The following ZNF282 variants were observed in gnomAD, a reference collection of about 807,000 sequenced individuals.
ZNF282 encodes the protein HTLV-I U5 repressive element-binding protein 1.
Under a neutral mutation model 61.9 loss-of-function variants are expected in ZNF282, and 30 were observed. That is an observed-to-expected ratio of 0.48 (90% confidence interval 0.36 to 0.66). The LOEUF is 0.66. ZNF282 is among the 30% of genes least tolerant of loss of function. The pLI is 0.00. For synonymous variants in ZNF282, 396 were observed against 405.0 expected, an observed-to-expected ratio of 0.98 and a Z score of 0.27; for missense variants, 788 against 941.4, an observed-to-expected ratio of 0.84 and a Z score of 2.13.
At chr7:149,197,988 A>G (rs1469247287) in intron 1 of ZNF282, among the ~76,000 whole-genome samples, 1 of 152,262 alleles carries the variant, frequency 6.6e-6, no homozygotes, top group Non-Finnish European at 1.5e-5. Flanking sequence ...AGGCAAATAC[A>G]AAGTTCGTCA....
At chr7:149,215,195 AT>A (rs36096302) in intron 7 of ZNF282, among the ~76,000 whole-genome samples, 1,243 of 90,684 alleles carry the variant, frequency 0.014, 4 homozygotes, top group African/African-American at 0.046. Flanking sequence ...ATTTCCTGAC[AT>A]TTTTTTTTTT....
chr7:149,200,303 G>T (rs1795887455), intron 2 of ZNF282, among the ~76,000 whole-genome samples: 1 of 152,150 alleles, frequency 6.6e-6, no homozygotes, highest in African/African-American at 2.4e-5. Flanking sequence ...GATGTCCGTG[G>T]TGTTACAGCC....
chr7:149,218,119 AAG>A (rs61408566), intron 7 of ZNF282, among the ~76,000 whole-genome samples: 5 of 149,856 alleles, frequency 3.3e-5, no homozygotes, highest in Non-Finnish European at 5.9e-5. Flanking sequence ...AAAAAAAAAA[AAG>A]AGAGAGAGAG....
At chr7:149,200,176 C>A (rs1421869261) in intron 2 of ZNF282, among the ~76,000 whole-genome samples, 6 of 152,228 alleles carry the variant, frequency 3.9e-5, no homozygotes, top group Admixed American at 6.5e-5. Flanking sequence ...CTGGATTCCA[C>A]TGATTACGTC....
rs1796353687 is a variant in ZNF282, at chr7:149,225,452, C to T, written c.*805C>T. 6.6e-6 allele frequency: 1 copy of T among 152,334 alleles called. No homozygotes were observed. The highest frequency in any genetic ancestry group is 1.5e-5 in the Non-Finnish European group (1 of 68,126). The allele number at this position is 152,334 out of a possible 1,614,324, so 9.4% of individuals were successfully genotyped here. A position where few individuals can be genotyped will look rare whatever the true frequency, so the allele number is the denominator to read the frequency against. ...TACGGAACGCCCCAGGTTGTACATT[C>T]AGAGGGCTCTTTCTCCATGGGAGCT... On this transcript the variant is annotated 3_prime_UTR_variant, in exon 8 of 8. Coordinates refer to ENST00000610704, the MANE Select transcript of ZNF282 (RefSeq NM_003575.4).
At position 149,217,100 on chromosome 7, in the gene ZNF282, G is replaced by A. The variant is rs978947633; in HGVS notation, c.1180+3286G>A. On this transcript the variant is annotated intron_variant, in intron 7 of 7. Transcript: ENST00000610704. ...GGTGCCAACACCCACAGAATATGAC[G>A]TGAAAGCACCCTCTTGAAATTCCCA... is the stretch of plus-strand genomic sequence containing the variant. Among the ~76,000 whole-genome samples, 4 of 152,212 alleles carry A rather than the reference G, an allele frequency of 2.6e-5. 1 individual carries two copies. Among genetic ancestry groups the A allele is most frequent in the African/African-American group, 9.6e-5 (4 of 41,456 alleles).
intron 2 of ZNF282, among the ~76,000 whole-genome samples, chr7:149,203,261 T>G (rs923431986): frequency 1.4e-4 from 21 of 152,246 alleles, no homozygotes; most frequent in African/African-American, 4.8e-4. Flanking sequence ...AGAGGAGACT[T>G]GACTTGACAA....
rs1034571526 is a variant in ZNF282 at position 149,198,291 on chromosome 7, A to G, written c.166-42A>G. 6 of 1,549,640 alleles carry G rather than the reference A, an allele frequency of 3.9e-6. No homozygotes were observed. Among genetic ancestry groups the G allele is most frequent in the Non-Finnish European group, 5.2e-6 (6 of 1,146,956 alleles). On this transcript the variant is annotated intron_variant, in intron 1 of 7. Coordinates refer to ENST00000610704, the MANE Select transcript of ZNF282 (RefSeq NM_003575.4). The surrounding 1 kb of genome is among the most constrained non-coding windows in gnomAD (Gnocchi z 4.3). Reference sequence around the variant, plus strand: ...CCCAGCTGACTTCCCCGGCTCACACAAGGTCTCATCCTGGGTTGTCGCTTT... The same window carrying G: ...CCCAGCTGACTTCCCCGGCTCACACGAGGTCTCATCCTGGGTTGTCGCTTT...
intron 7 of ZNF282, among the ~76,000 whole-genome samples, chr7:149,219,284 G>A (rs1264676532): frequency 2.0e-5 from 3 of 152,190 alleles, no homozygotes; most frequent in African/African-American, 7.2e-5. Context: ...CTCCTTCCCA[G>A]GAACCAGGGA....
rs1301262006 is a variant in ZNF282, at chr7:149,210,642, C to A, written c.890C>A (p.Thr297Asn). 6.2e-7 allele frequency: 1 copy of A among 1,612,000 alleles called. No individual in the cohort carries two copies. The highest frequency in any genetic ancestry group is 1.7e-5 in the Admixed American group (1 of 59,630). The change falls in exon 5 of 8, where the codon ACC becomes AAC. Residue 297 changes from threonine to asparagine, a missense_variant. Physicochemically the swap from Thr to Asn is moderately conservative, Grantham distance 65. Coordinates refer to ENST00000610704, the MANE Select transcript of ZNF282 (RefSeq NM_003575.4). The part of the protein sequence containing the change: ...DASSQVKRED[T>N]LCVRGQRGLE... ...TCCTCCCAGGTGAAGCGTGAGGACA[C>A]CCTGTGTGTCCGGGGTCAGCGGGGC...
At chr7:149,217,519 G>A (rs1476109803) in intron 7 of ZNF282, among the ~76,000 whole-genome samples, 1 of 152,100 alleles carries the variant, frequency 6.6e-6, no homozygotes, top group Non-Finnish European at 1.5e-5. Flanking sequence ...AGCCAAGATT[G>A]CGCCCCTGCA....
At chr7:149,199,225 T>C (rs1246009756) in intron 2 of ZNF282, among the ~76,000 whole-genome samples, 2 of 152,204 alleles carry the variant, frequency 1.3e-5, no homozygotes, top group East Asian at 3.9e-4. Context: ...ACACTCCGTA[T>C]CTTACTCCGT....
chr7:149,220,304 C>T (rs570157776), intron 7 of ZNF282, among the ~76,000 whole-genome samples: 159 of 151,462 alleles, frequency 1.0e-3, no homozygotes, highest in African/African-American at 3.6e-3. Context: ...CCCAGCTACT[C>T]GGGAGGCTGA....
intron 2 of ZNF282, 76 bp from the exon 3 acceptor site, chr7:149,206,620 T>C: frequency 6.2e-7 from 1 of 1,600,900 alleles, no homozygotes; most frequent in Admixed American, 1.7e-5. Flanking sequence ...GGAGTGGGTC[T>C]TGTGGCCCGC....
chr7:149,222,560 G>A (rs1485435237), intron 7 of ZNF282, among the ~76,000 whole-genome samples: 1 of 152,212 alleles, frequency 6.6e-6, no homozygotes, highest in Non-Finnish European at 1.5e-5. Context: ...GCCAAGGTGG[G>A]AGGATTGCTT....
Position 149,207,360 on chromosome 7 carries a change from G to T in ZNF282, c.722G>T (p.Gly241Val), listed in dbSNP as rs535087250. The part of the protein sequence containing the change: ...YKTLMSLDAE[G>V]SVPKPDAPVQ... Reference sequence around the variant, plus strand: ...TCCTCCTCACTTCCAGACGCGGAGGGCTCAGTCCCCAAGCCAGATGCTCCA... The same window carrying T: ...TCCTCCTCACTTCCAGACGCGGAGGTCTCAGTCCCCAAGCCAGATGCTCCA... The change falls in exon 4 of 8, where the codon GGC becomes GTC. Residue 241 changes from glycine (G) to valine (V), a missense_variant. Gly to Val is a moderately radical substitution (Grantham distance 109). Transcript: ENST00000610704. 4 of 1,587,280 alleles carry T rather than the reference G, an allele frequency of 2.5e-6. No individual in the cohort carries two copies. Among genetic ancestry groups the T allele is most frequent in the Non-Finnish European group, 3.4e-6 (4 of 1,165,102 alleles).
chr7:149,214,651 G>A (rs770114125), intron 7 of ZNF282, among the ~76,000 whole-genome samples: 2 of 152,022 alleles, frequency 1.3e-5, no homozygotes, highest in Non-Finnish European at 2.9e-5. Context: ...GTAACATAGT[G>A]AGACCCACAG....
At position 149,224,446 on chromosome 7, in the gene ZNF282, A is replaced by T. The variant is rs768585812; in HGVS notation, c.1815A>T (p.Ala605=). The change falls in exon 8 of 8, where the codon GCA becomes GCT. Residue 605 remains alanine (A), a synonymous_variant. Coordinates refer to ENST00000610704, the MANE Select transcript of ZNF282 (RefSeq NM_003575.4). ...LHTGERPFQC[A]LCGKSFIRKQ... ...CGGGCGAGCGGCCTTTCCAATGTGC[A>T]CTGTGCGGCAAGAGCTTCATCCGCA... The T allele has an allele frequency of 9.3e-6, 15 of 1,612,990 alleles. No individual in the cohort carries two copies. In the South Asian group the frequency reaches 1.6e-4, roughly 18 times the overall value.
rs1181003187 is a variant in ZNF282 at position 149,224,918 on chromosome 7, G to T, written c.*271G>T. 7 of 504,792 alleles carry T rather than the reference G, an allele frequency of 1.4e-5. No homozygotes were observed. The highest frequency in any genetic ancestry group is 2.1e-5 in the Non-Finnish European group (6 of 291,076). 31.3% of individuals were successfully genotyped at this position (504,792 alleles called of 1,614,324 possible). On this transcript the variant is annotated 3_prime_UTR_variant, in exon 8 of 8. Transcript: ENST00000610704. ...TCGGGCACCGCCCTCACACCTCCTC[G>T]AGTGCCCTGGGACCACTGGGCCACA...
Sources: gnomAD v4.1 joint callset for allele counts (sites outside exome capture counted in the v4.1 genomes callset) on GRCh38, gnomAD v4.1.1 for gene constraint, Gnocchi (gnomAD v3.1) non-coding constraint, MANE v1.5 for transcripts, NCBI Gene and HGNC (gene_info 2026-07-23, HGNC 2026-07-21) for gene names.